PPP2R3A: variants seen among roughly 807,000 people sequenced by gnomAD.
PPP2R3A encodes serine/threonine-protein phosphatase 2A regulatory subunit B'' subunit alpha.
Under a neutral mutation model 106.9 loss-of-function variants are expected in PPP2R3A, and 80 were observed. That is an observed-to-expected ratio of 0.75 (90% CI 0.62 to 0.90). PPP2R3A has a LOEUF of 0.90. Among genes scored for constraint, PPP2R3A ranks in the 40% least tolerant of loss-of-function variants. PPP2R3A has a pLI of 0.00. For synonymous variants in PPP2R3A, 483 were observed against 468.3 expected (o/e 1.03, Z -0.41); for missense variants, 1,386 against 1,350.4 (o/e 1.03, Z -0.41).
chr3:136,050,560 C>T (rs539511769), intron 5 of PPP2R3A, among the ~76,000 whole-genome samples: 1 of 152,142 alleles, frequency 6.6e-6, no homozygotes, highest in Non-Finnish European at 1.5e-5. Flanking sequence ...TGCCACGTGT[C>T]AAGCCCCAGA....
chr3:136,118,480 A>G (rs1383158429), intron 13 of PPP2R3A, among the ~76,000 whole-genome samples: 1 of 152,218 alleles, frequency 6.6e-6, no homozygotes, highest in Non-Finnish European at 1.5e-5. Context: ...AGAAAACCCC[A>G]TCATCTCAGC....
At chr3:136,134,753 A>G (rs2108022980) in intron 13 of PPP2R3A, among the ~76,000 whole-genome samples, 2 of 139,260 alleles carry the variant, frequency 1.4e-5, no homozygotes, top group East Asian at 5.6e-4. Context: ...GGAAAAAATT[A>G]TTTTTCTCCT....
At chr3:136,118,332 C>T (rs1937859028) in intron 13 of PPP2R3A, among the ~76,000 whole-genome samples, 1 of 151,948 alleles carries the variant, frequency 6.6e-6, no homozygotes, top group African/African-American at 2.4e-5. Flanking sequence ...ACAAGGATGT[C>T]CTCTCACCAC....
At chr3:135,994,518 T>G (rs1242447933) in intron 1 of PPP2R3A, among the ~76,000 whole-genome samples, 2 of 152,182 alleles carry the variant, frequency 1.3e-5, no homozygotes, top group Non-Finnish European at 2.9e-5. Context: ...CTGTGGTACC[T>G]GCTACCAACA....
intron 10 of PPP2R3A, among the ~76,000 whole-genome samples, chr3:136,100,977 A>G (rs142481173): frequency 2.6e-5 from 4 of 152,366 alleles, no homozygotes; most frequent in Non-Finnish European, 5.9e-5. Flanking sequence ...CTTTCATTCA[A>G]GAAGCTACTA....
chr3:136,047,340 C>T (rs181145795), intron 4 of PPP2R3A, among the ~76,000 whole-genome samples: 2 of 152,280 alleles, frequency 1.3e-5, no homozygotes, highest in Admixed American at 1.3e-4. Flanking sequence ...GACTTATGCA[C>T]CCATATGTTC....
At chr3:136,125,553 A>G (rs1938148109) in intron 13 of PPP2R3A, among the ~76,000 whole-genome samples, 1 of 152,058 alleles carries the variant, frequency 6.6e-6, no homozygotes, top group Non-Finnish European at 1.5e-5. Context: ...TAAAACTACA[A>G]ATCAATATTC....
rs137947429 is a variant in PPP2R3A at position 136,084,123 on chromosome 3, G to A, written c.2788+1702G>A. ...GGGAAAATGTCTCCAGGGCATGTCA[G>A]AGACCATCATGACAGCCCCTCCCAT... On this transcript the variant is annotated intron_variant, in intron 8 of 13. Coordinates refer to ENST00000264977, the MANE Select transcript of PPP2R3A (RefSeq NM_002718.5). Among the ~76,000 whole-genome samples, 206 of 152,364 alleles carry A rather than the reference G, an allele frequency of 1.4e-3. 1 individual carries two copies. The East Asian group carries it at 0.036, about 27-fold the overall frequency.
intron 5 of PPP2R3A, among the ~76,000 whole-genome samples, chr3:136,065,973 A>G (rs1936253556): frequency 6.6e-6 from 1 of 152,208 alleles, no homozygotes; most frequent in Non-Finnish European, 1.5e-5. Context: ...GCACCTAGCC[A>G]GAAGAAACTT....
intron 13 of PPP2R3A, among the ~76,000 whole-genome samples, chr3:136,124,842 A>G (rs545618202): frequency 2.0e-5 from 3 of 152,346 alleles, no homozygotes; most frequent in Non-Finnish European, 4.4e-5. Flanking sequence ...TACAGAAGTT[A>G]AAAGAATTAT....
intron 13 of PPP2R3A, among the ~76,000 whole-genome samples, chr3:136,140,442 TAAAA>T (rs199699500): frequency 1.9e-4 from 17 of 87,240 alleles, no homozygotes; most frequent in African/African-American, 5.3e-4. Flanking sequence ...TGAGACTCTT[TAAAA>T]AAAAAAAAAA....
At chr3:136,030,778 A>ATATATATATATATATATATATATG (rs1206335696) in intron 3 of PPP2R3A, among the ~76,000 whole-genome samples, 88 of 111,254 alleles carry the variant, frequency 7.9e-4, no homozygotes, top group Non-Finnish European at 1.4e-3. Flanking sequence ...ATATATATAT[A>ATATATATATATATATATATATATG]TATGTATGTA....
At chr3:136,133,934 C>T (rs1938514807) in intron 13 of PPP2R3A, among the ~76,000 whole-genome samples, 1 of 147,058 alleles carries the variant, frequency 6.8e-6, no homozygotes, top group African/African-American at 2.5e-5. Flanking sequence ...GCACTGAACA[C>T]TTAAAATTGG....
chr3:136,050,560 C>G (rs539511769), intron 5 of PPP2R3A, among the ~76,000 whole-genome samples: 1 of 152,260 alleles, frequency 6.6e-6, no homozygotes, highest in South Asian at 2.1e-4. Flanking sequence ...TGCCACGTGT[C>G]AAGCCCCAGA....
chr3:136,117,958 A>G (rs1304447397), intron 13 of PPP2R3A, among the ~76,000 whole-genome samples: 3 of 152,218 alleles, frequency 2.0e-5, no homozygotes, highest in Non-Finnish European at 4.4e-5. Context: ...CCTGATGAAC[A>G]TCGATGCGAA....
intron 13 of PPP2R3A, among the ~76,000 whole-genome samples, chr3:136,122,622 C>A (rs1226256434): frequency 6.6e-6 from 1 of 152,134 alleles, no homozygotes; most frequent in Non-Finnish European, 1.5e-5. Context: ...TCAAACACTT[C>A]TACGTAAACA....
At chr3:136,056,600 A>G (rs989242327) in intron 5 of PPP2R3A, among the ~76,000 whole-genome samples, 34 of 152,180 alleles carry the variant, frequency 2.2e-4, no homozygotes, top group Non-Finnish European at 2.9e-4. Flanking sequence ...AAAATGGGTT[A>G]AAGACTTAAA....
Position 136,001,459 on chromosome 3 carries a change from T to C in PPP2R3A, c.-40T>C. 1 of 1,525,544 alleles carries C rather than the reference T, an allele frequency of 6.6e-7. No homozygotes were observed. 94.5% of individuals were successfully genotyped at this position (1,525,544 alleles called of 1,614,324 possible). Reference sequence around the variant, plus strand: ...AGGAGAATTTTCATGAAACAAGTTCTAGAAAGTTCCAAGTCCCACCAGTAA... The same window carrying C: ...AGGAGAATTTTCATGAAACAAGTTCCAGAAAGTTCCAAGTCCCACCAGTAA... On this transcript the variant is annotated 5_prime_UTR_variant, in exon 2 of 14. Coordinates refer to ENST00000264977, the MANE Select transcript of PPP2R3A (RefSeq NM_002718.5).
chr3:136,103,225 T>G (rs1937423656), intron 11 of PPP2R3A, 33 bp from the exon 12 acceptor site: 2 of 1,458,016 alleles, frequency 1.4e-6, no homozygotes, highest in African/African-American at 1.4e-5. Context: ...CAGCTCTTGA[T>G]GAAATTTACC....
Sources: allele counts gnomAD v4.1 joint callset (sites outside exome capture counted in the v4.1 genomes callset), GRCh38; gene constraint gnomAD v4.1.1; transcripts MANE v1.5; gene names NCBI Gene and HGNC (gene_info 2026-07-23, HGNC 2026-07-21).